Variants in GRIK2 observed in about 807,000 individuals in gnomAD.
GRIK2 encodes glutamate ionotropic receptor kainate type subunit 2.
In GRIK2, 32 loss-of-function variants were observed where a neutral mutation model predicts 100.3. The observed-to-expected ratio is 0.32, with a 90% CI of 0.24 to 0.43. The LOEUF (loss-of-function observed/expected upper bound fraction) is 0.43, where lower values mean the gene tolerates loss of function less well. GRIK2 is among the 20% of genes least tolerant of loss of function. The probability of loss-of-function intolerance (pLI) is 1.00; values close to 1 mark genes in which losing one functional copy is unlikely to be tolerated. For synonymous variants in GRIK2, 417 were observed against 389.4 expected (o/e 1.07, Z -0.83); for missense variants, 843 against 1,114.9 (o/e 0.76, Z 3.47).
At chr6:101,613,126 G>A (rs1779753791) in intron 2 of GRIK2, among the ~76,000 whole-genome samples, 2 of 151,740 alleles carry the variant, frequency 1.3e-5, no homozygotes, top group South Asian at 4.1e-4. Context: ...TGGTGTGGAA[G>A]ACATAGAACT....
At chr6:101,495,019 C>T (rs886853188) in intron 2 of GRIK2, among the ~76,000 whole-genome samples, 2 of 130,810 alleles carry the variant, frequency 1.5e-5, no homozygotes, top group African/African-American at 5.7e-5. Context: ...ATTATAATCT[C>T]TTGATTAGAG....
chr6:102,004,113 AT>A lies in GRIK2; in HGVS notation c.2086-31225del, dbSNP rs536381927. Among the ~76,000 whole-genome samples the A allele has an allele frequency of 2.2e-3, 331 of 150,550 alleles. 3 individuals are homozygous for A. Among genetic ancestry groups the A allele is most frequent in the African/African-American group, 7.5e-3 (310 of 41,132 alleles). ...TATCACCAATGTATTTTATATTTGCATTTATATTTGTTCATACTCCGTTTTT... is the reference window on the plus strand; with the variant it reads ...TATCACCAATGTATTTTATATTTGCATTATATTTGTTCATACTCCGTTTTT... On this transcript the variant is annotated intron_variant, in intron 14 of 16. Transcript: ENST00000369134.
intron 12 of GRIK2, among the ~76,000 whole-genome samples, chr6:101,923,211 T>C (rs1437015012): frequency 6.6e-6 from 1 of 152,328 alleles, no homozygotes; most frequent in Non-Finnish European, 1.5e-5. Flanking sequence ...AAGTGACGGA[T>C]ACATTATTCA....
chr6:101,636,647 G>A (rs902557558), intron 4 of GRIK2, among the ~76,000 whole-genome samples: 1 of 151,690 alleles, frequency 6.6e-6, no homozygotes, highest in Non-Finnish European at 1.5e-5. Flanking sequence ...TGAATCTGTA[G>A]CAATCACACA....
intron 7 of GRIK2, among the ~76,000 whole-genome samples, chr6:101,769,390 T>C (rs746117698): frequency 3.9e-5 from 6 of 152,006 alleles, no homozygotes; most frequent in Non-Finnish European, 5.9e-5. Flanking sequence ...AAGAGGGAAG[T>C]GGAGGAGTTT....
intron 7 of GRIK2, among the ~76,000 whole-genome samples, chr6:101,762,492 C>G (rs1041760981): frequency 3.3e-5 from 5 of 152,050 alleles, no homozygotes; most frequent in African/African-American, 7.3e-5. Flanking sequence ...CTGAGCCTCC[C>G]CAAGTGCAGG....
At chr6:101,791,545 T>C (rs553528696) in intron 7 of GRIK2, among the ~76,000 whole-genome samples, 2 of 152,336 alleles carry the variant, frequency 1.3e-5, no homozygotes, top group East Asian at 3.9e-4. Context: ...TCCTGAGTTC[T>C]AGTTTGATTG....
chr6:102,067,777 A>G (rs183245418), intron 16 of GRIK2, among the ~76,000 whole-genome samples: 4 of 152,008 alleles, frequency 2.6e-5, no homozygotes, highest in Admixed American at 2.0e-4. Context: ...TTTGTTTGTA[A>G]TCACTGTCAA....
intron 9 of GRIK2, among the ~76,000 whole-genome samples, chr6:101,809,411 C>T (rs897535627): frequency 6.6e-6 from 1 of 151,926 alleles, no homozygotes; most frequent in African/African-American, 2.4e-5. Context: ...GACTCCTGCC[C>T]TCATTAAACT....
chr6:101,442,178 G>A (rs1467727117), intron 2 of GRIK2, among the ~76,000 whole-genome samples: 1 of 152,134 alleles, frequency 6.6e-6, no homozygotes, highest in Non-Finnish European at 1.5e-5. Context: ...CCTTAGTTCA[G>A]CCAAAAACCA....
intron 2 of GRIK2, among the ~76,000 whole-genome samples, chr6:101,531,111 A>T (rs1389839961): frequency 6.6e-6 from 1 of 152,030 alleles, no homozygotes; most frequent in Non-Finnish European, 1.5e-5. Flanking sequence ...AGTTGGTTTT[A>T]GACTTATCAG....
intron 2 of GRIK2, among the ~76,000 whole-genome samples, chr6:101,463,309 ATTAC>A (rs1771441347): frequency 6.6e-6 from 1 of 152,216 alleles, no homozygotes; most frequent in African/African-American, 2.4e-5. Context: ...TTAGCACAAT[ATTAC>A]TTAATAAATG....
intron 7 of GRIK2, among the ~76,000 whole-genome samples, chr6:101,779,049 A>T (rs1020487411): frequency 1.3e-5 from 2 of 152,122 alleles, no homozygotes; most frequent in African/African-American, 4.8e-5. Flanking sequence ...ATTAATGTCA[A>T]TTTTTATTTG....
intron 12 of GRIK2, among the ~76,000 whole-genome samples, chr6:101,913,926 A>G (rs2518281): frequency 0.85 from 128,693 of 151,382 alleles, 54,842 homozygotes; most frequent in East Asian, 0.94. Context: ...AGAGTTTATA[A>G]AAAAGAAATA....
intron 2 of GRIK2, chr6:101,430,489 C>A: frequency 4.9e-6 from 1 of 206,000 alleles, no homozygotes. Context: ...AGTATTTGAG[C>A]TCAGTGGGGG....
intron 6 of GRIK2, among the ~76,000 whole-genome samples, chr6:101,683,354 T>G (rs990892244): frequency 2.0e-5 from 3 of 152,218 alleles, no homozygotes; most frequent in African/African-American, 7.2e-5. Context: ...GTTAGATTTT[T>G]TAAAAAGTCA....
intron 2 of GRIK2, among the ~76,000 whole-genome samples, chr6:101,423,676 A>G (rs1276879501): frequency 1.3e-5 from 2 of 152,166 alleles, no homozygotes; most frequent in Non-Finnish European, 2.9e-5. Flanking sequence ...ATTGAGTTGT[A>G]GGAACTTCTT....
At chr6:101,661,784 T>C (rs1187701235) in intron 4 of GRIK2, among the ~76,000 whole-genome samples, 1 of 152,082 alleles carries the variant, frequency 6.6e-6, no homozygotes, top group African/African-American at 2.4e-5. Flanking sequence ...ATGATTTGGC[T>C]TGCCCTCCGT....
intron 15 of GRIK2, among the ~76,000 whole-genome samples, chr6:102,046,974 TA>T (rs1306344156): frequency 6.6e-6 from 1 of 151,868 alleles, no homozygotes; most frequent in East Asian, 1.9e-4. Context: ...GTAGGTCAAA[TA>T]AAAAATCAAA....
Sources: gnomAD v4.1 joint callset for allele counts (sites outside exome capture counted in the v4.1 genomes callset) on GRCh38, gnomAD v4.1.1 for gene constraint, MANE v1.5 for transcripts, NCBI Gene and HGNC (gene_info 2026-07-23, HGNC 2026-07-21) for gene names.